MAMDC4: variants seen among roughly 807,000 people sequenced by gnomAD.
The protein encoded by MAMDC4 is MAM domain containing 4, also known as apical endosomal glycoprotein.
In MAMDC4, 168 loss-of-function variants were observed where a neutral mutation model predicts 153.3. That is an observed-to-expected ratio of 1.10 (90% CI 0.97 to 1.25). The LOEUF is 1.25. Among genes scored for constraint, MAMDC4 ranks in the 50% most tolerant of loss-of-function variants. The pLI, the probability that MAMDC4 is intolerant of heterozygous loss-of-function variation, is 0.00. For synonymous variants in MAMDC4, 744 were observed against 651.5 expected, an observed-to-expected ratio of 1.14 and a Z score of -2.16; for missense variants, 1,701 against 1,542.8, an observed-to-expected ratio of 1.10 and a Z score of -1.72.
At chr9:136,855,965 C>T in intron 13 of MAMDC4, 53 bp from the exon 14 acceptor site, 8 of 1,571,402 alleles carry the variant, frequency 5.1e-6, no homozygotes, top group Non-Finnish European at 6.9e-6. Flanking sequence ...CCCTGAGGGA[C>T]AGAGTGGGGC....
intron 22 of MAMDC4, 43 bp from the exon 23 acceptor site, chr9:136,858,676 G>T: frequency 1.2e-6 from 2 of 1,609,888 alleles, no homozygotes; most frequent in Non-Finnish European, 1.7e-6. Context: ...CCTGAGGGCT[G>T]GCTCTGCCCA....
Position 136,854,829 on chromosome 9 carries a change from C to G in MAMDC4, c.1002C>G (p.Ala334=). Residue 334 remains alanine (A), a synonymous_variant, in exon 9 of 27, where the codon GCC becomes GCG. Coordinates refer to ENST00000317446, the MANE Select transcript of MAMDC4 (RefSeq NM_206920.3). ...PAILSSPEFQ[A]SGTSNCSLVF... is the part of the protein sequence containing the mutation. ...TACTCTCCAGCCCCGAATTCCAAGCCTCAGGCACCTCCAACTGCTCGGTGA... is the reference window on the plus strand; with the variant it reads ...TACTCTCCAGCCCCGAATTCCAAGCGTCAGGCACCTCCAACTGCTCGGTGA... The G allele has an allele frequency of 6.2e-7, 1 of 1,612,834 alleles. No individual in the cohort carries two copies. The highest frequency in any genetic ancestry group is 8.5e-7 in the Non-Finnish European group (1 of 1,179,868).
chr9:136,856,231 A>G, intron 14 of MAMDC4, 82 bp downstream of exon 14: 1 of 1,602,604 alleles, frequency 6.2e-7, no homozygotes, highest in South Asian at 1.1e-5. Flanking sequence ...CGGGTGACCC[A>G]CAGTGCCCCC....
At position 136,854,233 on chromosome 9, in the gene MAMDC4, G is replaced by A. The variant is rs766061764; in HGVS notation, c.693G>A (p.Pro231=). ...CAGCCCCCCAGGCCAACTGTCCCCC[G>A]GGACACCACCACTGCCAGAACAAGG... The part of the protein sequence containing the change: ...GLPTPQANCP[P]GHHHCQNKVC... Residue 231 remains proline, a synonymous_variant, in exon 7 of 27, where the codon CCG becomes CCA. Transcript: ENST00000317446. The A allele has an allele frequency of 5.6e-5, 90 of 1,611,316 alleles. No individual in the cohort carries two copies. Among genetic ancestry groups the A allele is most frequent in the Admixed American group, 3.2e-4 (19 of 59,876 alleles).
At position 136,855,568 on chromosome 9, in the gene MAMDC4, C is replaced by T. The variant is rs550547162; in HGVS notation, c.1420C>T (p.Leu474=). The change falls in exon 12 of 27, where the codon CTG becomes TTG. Residue 474 remains leucine, a synonymous_variant. Transcript: ENST00000317446. ...CGDLCVPPEQ[L]CDFEEQCAGG... is the part of the protein sequence containing the mutation. ...GGACCTGTGTGTGCCCCCGGAACAA[C>T]TGTGTGACTTCGAGGAGCAGTGCGC... 1.1e-4 allele frequency: 180 copies of T among 1,592,690 alleles called. 3 individuals are homozygous for T. In the South Asian group the frequency reaches 1.9e-3, roughly 17 times the overall value.
Position 136,856,998 on chromosome 9 carries a change from G to A in MAMDC4, c.1929G>A (p.Thr643=), listed in dbSNP as rs767135848. The change falls in exon 16 of 27, where the codon ACG becomes ACA. Residue 643 remains threonine, a synonymous_variant. Transcript: ENST00000317446. ...LSRPQVPAAP[T]ECLSFWYHLH... is the part of the protein sequence containing the mutation. ...GGCCCCAGGTGCCAGCAGCACCCAC[G>A]GAGTGTCTCAGCTTCTGGTACCACC... 26 of 1,612,416 alleles carry A rather than the reference G, an allele frequency of 1.6e-5. No individual in the cohort carries two copies. The highest frequency in any genetic ancestry group is 4.4e-5 in the South Asian group (4 of 91,030).
In MAMDC4 at chr9:136,853,125, G is replaced by C; in HGVS notation, c.70G>C (p.Val24Leu). The change falls in exon 2 of 27, where the codon GTC (valine) becomes CTC (leucine). Residue 24 changes from valine to leucine, a missense_variant. Physicochemically the swap from Val to Leu is conservative, Grantham distance 32. Transcript: ENST00000317446. ...AGCAGGGTCCTCAGGCTGGGCCTGGGTCCCCAACCACTGCAGGAGCCCTGG... is the reference window on the plus strand; with the variant it reads ...AGCAGGGTCCTCAGGCTGGGCCTGGCTCCCCAACCACTGCAGGAGCCCTGG... ...FLAGSSGWAW[V>L]PNHCRSPGQA... 1 of 1,612,698 alleles carries C rather than the reference G, an allele frequency of 6.2e-7. No individual in the cohort carries two copies. The highest frequency in any genetic ancestry group is 2.2e-5 in the East Asian group (1 of 44,890).
Position 136,853,296 on chromosome 9 carries a change from G to A in MAMDC4, c.166G>A (p.Ala56Thr). Reference protein sequence around the residue: ...SDEAQCGYHGASPTLGAPFAC... With the variant: ...SDEAQCGYHGTSPTLGAPFAC... ...ACCCACTCTCCCAGGTTACCACGGG[G>A]CCTCGCCCACCCTGGGCGCCCCCTT... The change falls in exon 3 of 27, where the codon GCC (alanine) becomes ACC (threonine). Residue 56 changes from alanine (A) to threonine (T), a missense_variant. By Grantham distance (58) the Ala-to-Thr change is moderately conservative. Coordinates refer to ENST00000317446, the MANE Select transcript of MAMDC4 (RefSeq NM_206920.3). 6.2e-7 allele frequency: 1 copy of A among 1,603,024 alleles called. No homozygotes were observed. Among genetic ancestry groups the A allele is most frequent in the African/African-American group, 1.3e-5 (1 of 74,914 alleles).
At position 136,853,118 on chromosome 9, in the gene MAMDC4, G is replaced by T. The variant is rs145912281; in HGVS notation, c.63G>T (p.Trp21Cys). Residue 21 changes from tryptophan (W) to cysteine (C), a missense_variant, in exon 2 of 27, where the codon TGG becomes TGT. Transcript: ENST00000317446. ...LVLFLAGSSG[W>C]AWVPNHCRSP... ...TCCCAGCAGCAGGGTCCTCAGGCTG[G>T]GCCTGGGTCCCCAACCACTGCAGGA... The T allele has an allele frequency of 1.2e-4, 200 of 1,612,604 alleles. No homozygotes were observed. The African/African-American group carries it at 2.3e-3, about 18-fold the overall frequency.
At position 136,855,035 on chromosome 9, in the gene MAMDC4, G is replaced by T. The variant is rs768235248; in HGVS notation, c.1122G>T (p.Leu374=). The T allele has an allele frequency of 1.2e-6, 2 of 1,607,800 alleles. No homozygotes were observed. The highest frequency in any genetic ancestry group is 2.2e-5 in the South Asian group (2 of 90,782). ...GPGAPRAPVL[L]RRRRGELGTA... ...GCGCCCCCCGGGCCCCCGTCCTGCT[G>T]CGGAGGCGCCGAGGGGAGCTGGGGA... The change falls in exon 10 of 27, where the codon CTG becomes CTT. Residue 374 remains leucine, a synonymous_variant. Coordinates refer to ENST00000317446, the MANE Select transcript of MAMDC4 (RefSeq NM_206920.3).
At position 136,852,436 on chromosome 9, in the gene MAMDC4, T is replaced by C; in HGVS notation, c.20T>C (p.Leu7Pro). The change falls in exon 1 of 27, where the codon CTG becomes CCG. Residue 7 changes from leucine (L) to proline (P), a missense_variant. Coordinates refer to ENST00000317446, the MANE Select transcript of MAMDC4 (RefSeq NM_206920.3). Reference sequence around the variant, plus strand: ...CCAACCATGCCTCTGTCCAGCCACCTGCTGCCCGCCTTGGTCCTGTTCCTG... The same window carrying C: ...CCAACCATGCCTCTGTCCAGCCACCCGCTGCCCGCCTTGGTCCTGTTCCTG... MPLSSH[L>P]LPALVLFLAG... 1 of 1,610,428 alleles carries C rather than the reference T, an allele frequency of 6.2e-7. No individual in the cohort carries two copies.
At chr9:136,860,530 A>C in intron 26 of MAMDC4, 32 bp from the exon 27 acceptor site, 1 of 1,601,828 alleles carries the variant, frequency 6.2e-7, no homozygotes, top group South Asian at 1.1e-5. Context: ...TCAGGAAAGA[A>C]AGAAAAAAAA....
At chr9:136,854,697 G>A (rs557276518) in intron 8 of MAMDC4, 21 bp downstream of exon 8, 54 of 1,611,388 alleles carry the variant, frequency 3.4e-5, no homozygotes, top group Admixed American at 5.0e-5. Flanking sequence ...CAGAGGACCC[G>A]GCCCAGGCCC....
rs780296587 is a variant in MAMDC4, at chr9:136,859,897, G to A, written c.3205G>A (p.Ala1069Thr). The A allele has an allele frequency of 1.6e-5, 25 of 1,611,746 alleles. No individual in the cohort carries two copies. The highest frequency in any genetic ancestry group is 2.2e-5 in the East Asian group (1 of 44,892). The part of the protein sequence containing the change: ...QPAPSPGNTA[A>T]PGSVPAVVGS... ...CCTATGGCCCACAGGGAACACAGCC[G>A]CACCCGGGTCTGTGCCAGCTGTGGT... The change falls in exon 26 of 27, where the codon GCA (alanine) becomes ACA (threonine). Residue 1069 changes from alanine (A) to threonine (T), a missense_variant. Ala to Thr is a moderately conservative substitution (Grantham distance 58, BLOSUM62 0). Transcript: ENST00000317446.
Position 136,859,693 on chromosome 9 carries a change from A to C in MAMDC4, c.3194-193A>C, listed in dbSNP as rs1201922868. 1.4e-5 allele frequency: 9 copies of C among 621,448 alleles called. No homozygotes were observed. The East Asian group carries it at 2.0e-4, about 14-fold the overall frequency. The allele number at this position is 621,448 out of a possible 1,614,324, so 38.5% of individuals were successfully genotyped here. A position where few individuals can be genotyped will look rare whatever the true frequency, so the allele number is the denominator to read the frequency against. On this transcript the variant is annotated intron_variant, in intron 25 of 26. Coordinates refer to ENST00000317446, the MANE Select transcript of MAMDC4 (RefSeq NM_206920.3). ...CTCGCCTGGGGCCATGAGCCCCACC[A>C]AGTCTGCAGACAGCAGCTGCCTGTC...
Position 136,859,011 on chromosome 9 carries a change from G to C in MAMDC4, c.2963G>C (p.Gly988Ala), listed in dbSNP as rs370779694. 1.3e-6 allele frequency: 2 copies of C among 1,525,454 alleles called. No homozygotes were observed. The highest frequency in any genetic ancestry group is 2.1e-5 in the Admixed American group (1 of 47,254). The allele number at this position is 1,525,454 out of a possible 1,614,324, so 94.5% of individuals were successfully genotyped here. Reference protein sequence around the residue: ...HMGFPEHFYKGELKVLLHSAQ... With the variant: ...HMGFPEHFYKAELKVLLHSAQ... ...GCCCTGGCCCTGCTCTCAGACAAGGGGGAGCTGAAGGTACTGCTGCACAGT... is the reference window on the plus strand; with the variant it reads ...GCCCTGGCCCTGCTCTCAGACAAGGCGGAGCTGAAGGTACTGCTGCACAGT... Residue 988 changes from glycine (G) to alanine (A), a missense_variant, in exon 24 of 27, where the codon GGG (glycine) becomes GCG (alanine). By Grantham distance (60) the Gly-to-Ala change is moderately conservative. Coordinates refer to ENST00000317446, the MANE Select transcript of MAMDC4 (RefSeq NM_206920.3).
chr9:136,854,188 AGG>A, intron 6 of MAMDC4, 21 bp from the exon 7 acceptor site: 1 of 1,611,752 alleles, frequency 6.2e-7, no homozygotes, highest in Non-Finnish European at 8.5e-7. Flanking sequence ...GCCTCGGTGA[AGG>A]GTTAACCCTG....
rs949391839 is a variant in MAMDC4, at chr9:136,854,287, CG to C, written c.751del (p.Glu251LysfsTer19). The C allele has an allele frequency of 1.9e-6, 3 of 1,605,730 alleles. No individual in the cohort carries two copies. Among genetic ancestry groups the C allele is most frequent in the African/African-American group, 2.7e-5 (2 of 74,822 alleles). ...GCGTGGAGCCCCAGCAGCTGTGCGA[CG>C]GGGAAGACAACTGCGGGGACCTGTC... Reference protein sequence around the residue: ...VCVEPQQLCDGEDNCGDLSDE... With the variant: ...VCVEPQQLCDXEDNCGDLSDE... On this transcript the variant is annotated frameshift_variant, in exon 7 of 27. Transcript: ENST00000317446. LOFTEE classifies it high-confidence loss of function.
At chr9:136,856,620 A>G in intron 14 of MAMDC4, 90 bp from the exon 15 acceptor site, 1 of 1,266,530 alleles carries the variant, frequency 7.9e-7, no homozygotes, top group Non-Finnish European at 1.2e-6. Context: ...CTCCCCTTAC[A>G]CTCCTCCAGG....
Sources: gnomAD v4.1 joint callset for allele counts on GRCh38, gnomAD v4.1.1 for gene constraint, MANE v1.5 for transcripts, NCBI Gene and HGNC (gene_info 2026-07-23, HGNC 2026-07-21) for gene names.